MOB3B: variants seen among roughly 807,000 people sequenced by gnomAD.
The protein encoded by MOB3B is MOB kinase activator 3B, also known as MOB kinase activator-like 2B.
MOB3B carries 7 observed loss-of-function variants against 18.7 expected under a neutral mutation model. The observed-to-expected ratio is 0.37, with a 90% CI of 0.21 to 0.70. The LOEUF is 0.70. Among genes scored for constraint, MOB3B ranks in the 30% least tolerant of loss-of-function variants. The pLI, the probability that MOB3B is intolerant of heterozygous loss-of-function variation, is 0.52. For missense variants in MOB3B, 253 were observed against 281.3 expected (o/e 0.90, Z 0.72); for synonymous variants, 111 against 99.9 (o/e 1.11, Z -0.66).
chr9:27,357,858 C>G (rs909647980), intron 3 of MOB3B, among the ~76,000 whole-genome samples: 4 of 120,532 alleles, frequency 3.3e-5, no homozygotes, highest in African/African-American at 1.3e-4. Flanking sequence ...TTGAGACAAG[C>G]CTAGTCAACA....
At chr9:27,413,124 G>C (rs1822097856) in intron 2 of MOB3B, among the ~76,000 whole-genome samples, 1 of 152,336 alleles carries the variant, frequency 6.6e-6, no homozygotes, top group South Asian at 2.1e-4. Flanking sequence ...ATAGCAGTCA[G>C]TAGTGGGAGA....
intron 1 of MOB3B, among the ~76,000 whole-genome samples, chr9:27,509,589 G>A (rs529491529): frequency 1.5e-4 from 22 of 151,450 alleles, no homozygotes; most frequent in Admixed American, 1.1e-3. Context: ...GCTAATTTTT[G>A]TATTTTCAGT....
intron 2 of MOB3B, among the ~76,000 whole-genome samples, chr9:27,430,171 A>G (rs561340674): frequency 6.6e-6 from 1 of 152,260 alleles, no homozygotes; most frequent in South Asian, 2.1e-4. Context: ...TCTGCCAGGC[A>G]CACCTTTTTA....
At chr9:27,388,832 G>A (rs1234307444) in intron 2 of MOB3B, among the ~76,000 whole-genome samples, 3 of 152,018 alleles carry the variant, frequency 2.0e-5, no homozygotes, top group Non-Finnish European at 2.9e-5. Context: ...CATCCTCCGT[G>A]TCTTCTTCCC....
chr9:27,444,185 A>G (rs1822646496), intron 2 of MOB3B, among the ~76,000 whole-genome samples: 1 of 146,508 alleles, frequency 6.8e-6, no homozygotes, highest in Non-Finnish European at 1.5e-5. Context: ...GAAGGAAGGA[A>G]AGAAAGAAAG....
intron 2 of MOB3B, among the ~76,000 whole-genome samples, chr9:27,389,548 C>T (rs778409693): frequency 4.0e-5 from 6 of 151,278 alleles, no homozygotes; most frequent in Non-Finnish European, 7.4e-5. Flanking sequence ...GACCCACCCT[C>T]GATTCTTTGT....
At chr9:27,403,889 T>C (rs1821924615) in intron 2 of MOB3B, among the ~76,000 whole-genome samples, 1 of 152,174 alleles carries the variant, frequency 6.6e-6, no homozygotes, top group South Asian at 2.1e-4. Context: ...ATAAGAGTAA[T>C]AGGGGTATCC....
At chr9:27,470,125 A>AAAAG (rs1554651388) in intron 1 of MOB3B, among the ~76,000 whole-genome samples, 2 of 150,092 alleles carry the variant, frequency 1.3e-5, no homozygotes, top group East Asian at 3.9e-4. Context: ...AAAAAAAAAA[A>AAAAG]AAAGAAAAGA....
intron 2 of MOB3B, among the ~76,000 whole-genome samples, chr9:27,440,014 G>C (rs1384995679): frequency 6.6e-6 from 1 of 152,196 alleles, no homozygotes; most frequent in South Asian, 2.1e-4. Context: ...CTACAGTGGA[G>C]AGAAAATGGT....
At chr9:27,364,218 G>A (rs1211835565) in intron 2 of MOB3B, among the ~76,000 whole-genome samples, 1 of 152,134 alleles carries the variant, frequency 6.6e-6, no homozygotes, top group African/African-American at 2.4e-5. Flanking sequence ...TGCATGGCTG[G>A]GTCTGAGCAA....
At chr9:27,455,850 C>T in intron 1 of MOB3B, 102 bp from the exon 2 acceptor site, 1 of 1,214,116 alleles carries the variant, frequency 8.2e-7, no homozygotes, top group African/African-American at 1.5e-5. Context: ...GCTGTGCCCA[C>T]TCTCCATCCA....
At chr9:27,490,580 T>C (rs938756703) in intron 1 of MOB3B, among the ~76,000 whole-genome samples, 3 of 152,096 alleles carry the variant, frequency 2.0e-5, no homozygotes, top group African/African-American at 7.2e-5. Context: ...TGCAAAGACA[T>C]GTAGTGTGAA....
intron 1 of MOB3B, among the ~76,000 whole-genome samples, chr9:27,501,194 G>A (rs1450247522): frequency 2.6e-5 from 4 of 152,174 alleles, no homozygotes; most frequent in South Asian, 2.1e-4. Flanking sequence ...ACAGTGTGGT[G>A]ATTCCTCAAG....
intron 2 of MOB3B, among the ~76,000 whole-genome samples, chr9:27,407,089 AGCCTC>A (rs1259052182): frequency 6.6e-6 from 1 of 152,100 alleles, no homozygotes; most frequent in Non-Finnish European, 1.5e-5. Context: ...CACCTGCCTC[AGCCTC>A]CCAAAGTGCT....
intron 2 of MOB3B, chr9:27,378,359 C>T (rs1821521730): frequency 2.1e-6 from 1 of 471,574 alleles, no homozygotes; most frequent in Non-Finnish European, 4.4e-6. Flanking sequence ...TTGCTGCTCA[C>T]CTACTCTCCA....
intron 2 of MOB3B, among the ~76,000 whole-genome samples, chr9:27,393,610 C>T (rs1648290156): frequency 6.6e-6 from 1 of 152,096 alleles, no homozygotes; most frequent in Admixed American, 6.6e-5. Flanking sequence ...CATGGCTCTG[C>T]AAGGAATTTA....
At chr9:27,343,635 G>T (rs944785693) in intron 3 of MOB3B, among the ~76,000 whole-genome samples, 5 of 150,532 alleles carry the variant, frequency 3.3e-5, no homozygotes, top group Non-Finnish European at 7.4e-5. Context: ...TAAGGCAAAA[G>T]CATTTTTACT....
chr9:27,436,996 G>A (rs1022650835), intron 2 of MOB3B, among the ~76,000 whole-genome samples: 4 of 149,316 alleles, frequency 2.7e-5, no homozygotes, highest in East Asian at 2.0e-4. Context: ...AGCTGGGAGT[G>A]GGGGGAAGAC....
chr9:27,469,410 C>G (rs954635413), intron 1 of MOB3B, among the ~76,000 whole-genome samples: 2 of 152,170 alleles, frequency 1.3e-5, no homozygotes, highest in Admixed American at 6.5e-5. Flanking sequence ...CCTTCAGTGA[C>G]AGCATCCTGG....
Sources: allele counts gnomAD v4.1 joint callset (sites outside exome capture counted in the v4.1 genomes callset), GRCh38; gene constraint gnomAD v4.1.1; transcripts MANE v1.5; gene names NCBI Gene and HGNC (gene_info 2026-07-23, HGNC 2026-07-21).